Variants in IARS1 observed in about 807,000 individuals in gnomAD.
The protein encoded by IARS1 is isoleucine--tRNA ligase, cytoplasmic.
A neutral mutation model predicts 168.2 loss-of-function variants in IARS1; 124 were observed. The ratio of observed to expected loss-of-function variants is 0.74; its 90% CI spans 0.64 to 0.86. The LOEUF is 0.86. Among genes scored for constraint, IARS1 ranks in the 40% least tolerant of loss-of-function variants. The pLI, the probability that IARS1 is intolerant of heterozygous loss-of-function variation, is 0.00. For missense variants in IARS1, 1,452 were observed against 1,515.8 expected, an observed-to-expected ratio of 0.96 and a Z score of 0.70; for synonymous variants, 532 against 529.4, an observed-to-expected ratio of 1.00 and a Z score of -0.07.
chr9:92,240,988 G>T, intron 29 of IARS1, 27 bp from the exon 30 acceptor site: 1 of 1,388,464 alleles, frequency 7.2e-7, no homozygotes, highest in Non-Finnish European at 1.0e-6. Flanking sequence ...GTATGACTGA[G>T]TAACTGTGGC....
chr9:92,257,738 A>C (rs1411074957), intron 19 of IARS1, among the ~76,000 whole-genome samples: 1 of 152,216 alleles, frequency 6.6e-6, no homozygotes, highest in African/African-American at 2.4e-5. Flanking sequence ...TCATTTTTCC[A>C]ACCAGCTTTT....
At chr9:92,274,051 A>C (rs1587861181) in intron 10 of IARS1, among the ~76,000 whole-genome samples, 1 of 152,260 alleles carries the variant, frequency 6.6e-6, no homozygotes, top group Non-Finnish European at 1.5e-5. Flanking sequence ...TAGTCAAAAT[A>C]TAAAATTAAC....
intron 31 of IARS1, among the ~76,000 whole-genome samples, chr9:92,226,196 T>C (rs889749926): frequency 3.8e-4 from 58 of 152,234 alleles, no homozygotes; most frequent in African/African-American, 1.3e-3. Context: ...TTCTCCCACA[T>C]TGCTTTTGCT....
intron 4 of IARS1, chr9:92,287,452 A>G (rs1835628733): frequency 6.3e-6 from 1 of 159,866 alleles, no homozygotes; most frequent in Admixed American, 6.5e-5. Flanking sequence ...CTACTTTTTC[A>G]ATTGTTTAAT....
intron 30 of IARS1, among the ~76,000 whole-genome samples, chr9:92,231,396 T>C (rs1478241122): frequency 6.6e-6 from 1 of 151,842 alleles, no homozygotes; most frequent in Admixed American, 6.6e-5. Flanking sequence ...GTATGTTACG[T>C]ATATGTGTTA....
At chr9:92,280,093 C>T (rs1298377989) in intron 7 of IARS1, among the ~76,000 whole-genome samples, 1 of 152,154 alleles carries the variant, frequency 6.6e-6, no homozygotes, top group Admixed American at 6.5e-5. Context: ...AATAATGCTC[C>T]TATGAACACG....
intron 13 of IARS1, among the ~76,000 whole-genome samples, chr9:92,269,357 T>C (rs1832712423): frequency 6.6e-6 from 1 of 152,204 alleles, no homozygotes. Flanking sequence ...TGTTTCATTT[T>C]GTACCCAGAG....
intron 33 of IARS1, among the ~76,000 whole-genome samples, chr9:92,214,563 C>T (rs905532538): frequency 9.9e-5 from 15 of 152,124 alleles, no homozygotes; most frequent in South Asian, 2.1e-4. Context: ...AGTGGGTGCA[C>T]GCACCGTGCG....
intron 12 of IARS1, among the ~76,000 whole-genome samples, 176 bp downstream of exon 12, chr9:92,270,809 A>C (rs956113360): frequency 7.9e-5 from 12 of 152,130 alleles, no homozygotes; most frequent in East Asian, 1.9e-4. Context: ...ACAACAACAA[A>C]AAAACAAACA....
chr9:92,250,374 G>A (rs1829840598), intron 23 of IARS1, 85 bp from the exon 24 acceptor site: 1 of 892,434 alleles, frequency 1.1e-6, no homozygotes, highest in South Asian at 1.4e-5. Flanking sequence ...GCGAGGAAGA[G>A]GGTCAGGCTA....
intron 10 of IARS1, 46 bp from the exon 11 acceptor site, chr9:92,271,701 G>C (rs1381574142): frequency 6.2e-7 from 1 of 1,602,496 alleles, no homozygotes; most frequent in Non-Finnish European, 8.5e-7. Context: ...GTCTATGTAT[G>C]GGTGTGAGCA....
rs1828965449 is a variant in IARS1, at chr9:92,244,954, A to T, written c.2904+5T>A. 6.2e-7 allele frequency: 1 copy of T among 1,611,044 alleles called. No individual in the cohort carries two copies. Among genetic ancestry groups the T allele is most frequent in the Admixed American group, 1.7e-5 (1 of 60,006 alleles). ...AAAGAAATGTTCTAGGAAACAGAAA[A>T]ATACCTGAGCATCTGAGTGTGCTTC... On this transcript the variant is annotated splice_donor_5th_base_variant and intron_variant, in intron 27 of 33. Transcript: ENST00000443024.
intron 30 of IARS1, among the ~76,000 whole-genome samples, chr9:92,235,013 A>G (rs934514585): frequency 5.9e-5 from 9 of 151,900 alleles, no homozygotes; most frequent in African/African-American, 1.9e-4. Flanking sequence ...CTAATTCTTT[A>G]TATTTTTTCG....
chr9:92,274,783 C>T (rs547374231), intron 9 of IARS1, among the ~76,000 whole-genome samples: 10 of 152,236 alleles, frequency 6.6e-5, no homozygotes, highest in South Asian at 6.2e-4. Context: ...TGGTTACAAA[C>T]GTGTTTTTCA....
At chr9:92,248,477 A>G (rs1829539737) in intron 25 of IARS1, among the ~76,000 whole-genome samples, 1 of 151,794 alleles carries the variant, frequency 6.6e-6, no homozygotes, top group East Asian at 1.9e-4. Flanking sequence ...GTTAGAGACC[A>G]GCCCGGGCAA....
intron 27 of IARS1, among the ~76,000 whole-genome samples, chr9:92,244,576 C>T (rs1828909785): frequency 6.6e-6 from 1 of 152,082 alleles, no homozygotes; most frequent in South Asian, 2.1e-4. Flanking sequence ...CACTTTTCAC[C>T]CTACACCTAT....
chr9:92,263,833 A>C (rs936675651), intron 16 of IARS1, among the ~76,000 whole-genome samples: 1 of 152,244 alleles, frequency 6.6e-6, no homozygotes, highest in Admixed American at 6.5e-5. Context: ...CAAAGGAACA[A>C]GCTCATTGGT....
intron 26 of IARS1, among the ~76,000 whole-genome samples, chr9:92,245,669 C>T (rs1209571970): frequency 6.6e-6 from 1 of 152,146 alleles, no homozygotes. Context: ...TTTATGTTTA[C>T]TTTGTCTCTG....
At chr9:92,286,319 A>G (rs1484479053) in intron 5 of IARS1, among the ~76,000 whole-genome samples, 1 of 152,220 alleles carries the variant, frequency 6.6e-6, no homozygotes, top group Non-Finnish European at 1.5e-5. Flanking sequence ...GTGGGCCAAG[A>G]CTGTGCCACT....
Sources: gnomAD v4.1 joint callset for allele counts (sites outside exome capture counted in the v4.1 genomes callset) on GRCh38, gnomAD v4.1.1 for gene constraint, MANE v1.5 for transcripts, NCBI Gene and HGNC (gene_info 2026-07-23, HGNC 2026-07-21) for gene names.